Variants in TIAM1 observed in about 807,000 individuals in gnomAD.
TIAM1 encodes TIAM Rac1 associated GEF 1.
A neutral mutation model predicts 163.5 loss-of-function variants in TIAM1; 65 were observed. The observed-to-expected ratio is 0.40, with a 90% CI of 0.33 to 0.49. The LOEUF is 0.49. TIAM1 is among the 20% of genes least tolerant of loss of function. TIAM1 has a pLI of 0.77. For synonymous variants in TIAM1, 833 were observed against 810.1 expected (o/e 1.03, Z -0.48); for missense variants, 1,789 against 2,044.7 (o/e 0.87, Z 2.41).
At chr21:31,189,044 CTTTTTT>C (rs58786753) in intron 13 of TIAM1, among the ~76,000 whole-genome samples, 1 of 70,086 alleles carries the variant, frequency 1.4e-5, no homozygotes, top group Non-Finnish European at 2.5e-5. Flanking sequence ...TCCATTCCCT[CTTTTTT>C]TTTTTTTTTT....
chr21:31,179,165 T>C (rs1342506650), intron 15 of TIAM1, among the ~76,000 whole-genome samples: 3 of 150,702 alleles, frequency 2.0e-5, no homozygotes, highest in Non-Finnish European at 1.5e-5. Context: ...GGCGGGCAGA[T>C]CACCCGATTT....
chr21:31,127,270 T>C (rs747826572), intron 25 of TIAM1, 118 bp from the exon 26 acceptor site: 13 of 853,536 alleles, frequency 1.5e-5, no homozygotes, highest in Admixed American at 4.6e-5. Flanking sequence ...CTGTATAAGA[T>C]CAAAGATATT....
At chr21:31,136,730 T>C (rs1410200769) in intron 22 of TIAM1, among the ~76,000 whole-genome samples, 1 of 152,226 alleles carries the variant, frequency 6.6e-6, no homozygotes, top group East Asian at 1.9e-4. Context: ...ATGTTTTGTG[T>C]TCAGAGACAG....
chr21:31,236,058 G>A (rs2088735836), intron 6 of TIAM1, among the ~76,000 whole-genome samples: 1 of 152,214 alleles, frequency 6.6e-6, no homozygotes, highest in Non-Finnish European at 1.5e-5. Flanking sequence ...GGAGGTTTCA[G>A]GAGGTTTCTC....
chr21:31,424,975 C>A (rs1018642524), intron 2 of TIAM1, among the ~76,000 whole-genome samples: 2 of 151,676 alleles, frequency 1.3e-5, no homozygotes, highest in Non-Finnish European at 2.9e-5. Flanking sequence ...ATCGCTTGAA[C>A]TGGGGAGGCA....
At chr21:31,456,160 T>C (rs987084120) in intron 2 of TIAM1, among the ~76,000 whole-genome samples, 4 of 152,368 alleles carry the variant, frequency 2.6e-5, no homozygotes, top group South Asian at 2.1e-4. Flanking sequence ...TTTTGCATTA[T>C]ATTCTTATCT....
chr21:31,511,929 C>T (rs1299056828), intron 1 of TIAM1, among the ~76,000 whole-genome samples: 3 of 152,114 alleles, frequency 2.0e-5, no homozygotes, highest in Admixed American at 6.5e-5. Context: ...ACAAGAGAGA[C>T]ACCATCTCAG....
chr21:31,269,319 C>T (rs1441302051), intron 3 of TIAM1, among the ~76,000 whole-genome samples: 1 of 152,150 alleles, frequency 6.6e-6, no homozygotes, highest in African/African-American at 2.4e-5. Flanking sequence ...AGGAAAGAAG[C>T]CACTTTTATC....
At chr21:31,313,418 G>A (rs2075001684) in intron 2 of TIAM1, among the ~76,000 whole-genome samples, 1 of 152,054 alleles carries the variant, frequency 6.6e-6, no homozygotes, top group Non-Finnish European at 1.5e-5. Flanking sequence ...AGTCTTCTGG[G>A]AGGCTCCCAT....
At chr21:31,442,089 A>ATATATATATATATATATAT (rs1555982237) in intron 2 of TIAM1, among the ~76,000 whole-genome samples, 57 of 123,836 alleles carry the variant, frequency 4.6e-4, no homozygotes, top group East Asian at 7.5e-4. Flanking sequence ...ATATATATAG[A>ATATATATATATATATATAT]ACAATAAGGG....
rs2086807564 is a variant in TIAM1 at position 31,210,742 on chromosome 21, GGAAGGGAGAAA to G, written c.2218-538_2218-528del. On this transcript the variant is annotated intron_variant, in intron 10 of 27. Transcript: ENST00000541036. ...GAAAGAAAGAAAGAGAAAGAAGGAA[GGAAGGGAGAAA>G]GAAAGAAAGAAAGAAAGAAAGAAAG... Among the ~76,000 whole-genome samples, 3 of 91,772 alleles carry G rather than the reference GGAAGGGAGAAA, an allele frequency of 3.3e-5. 1 individual carries two copies. Among genetic ancestry groups the G allele is most frequent in the African/African-American group, 2.1e-4 (3 of 14,046 alleles). 60.2% of individuals were successfully genotyped at this position (91,772 alleles called of 152,430 possible).
Position 31,463,000 on chromosome 21 carries a change from C to T in TIAM1, c.-369+983G>A, listed in dbSNP as rs2147353490. ...TCAGGTGATCCACCCACCTCGGCCT[C>T]CCAAAGTGCTGGGATTACAGGGGCA... On this transcript the variant is annotated intron_variant, in intron 2 of 28. Coordinates refer to the TIAM1 transcript ENST00000286827. Among the ~76,000 whole-genome samples the T allele has an allele frequency of 1.3e-5, 2 of 152,292 alleles. 1 individual carries two copies. The highest frequency in any genetic ancestry group is 4.1e-4 in the South Asian group (2 of 4,828).
At position 31,183,533 on chromosome 21, in the gene TIAM1, G is replaced by C. The variant is rs80070282; in HGVS notation, c.2663-888C>G. Among the ~76,000 whole-genome samples, 22 of 152,268 alleles carry C rather than the reference G, an allele frequency of 1.4e-4. No individual in the cohort carries two copies. In the East Asian group the frequency reaches 3.9e-3, roughly 27 times the overall value. ...CAACTTGAAAAAGGGAGTGAGCGAAGGGCAGGCAAAGATAAATTGCAGGAA... is the reference window on the plus strand; with the variant it reads ...CAACTTGAAAAAGGGAGTGAGCGAACGGCAGGCAAAGATAAATTGCAGGAA... On this transcript the variant is annotated intron_variant, in intron 14 of 27. Transcript: ENST00000541036.
At chr21:31,211,414 G>A (rs540100260) in intron 10 of TIAM1, among the ~76,000 whole-genome samples, 8 of 152,238 alleles carry the variant, frequency 5.3e-5, no homozygotes, top group Non-Finnish European at 1.0e-4. Flanking sequence ...TAAGTAATAG[G>A]CCTTCATTAT....
intron 2 of TIAM1, among the ~76,000 whole-genome samples, chr21:31,321,378 G>A (rs1569216517): frequency 6.6e-6 from 1 of 151,714 alleles, no homozygotes; most frequent in Non-Finnish European, 1.5e-5. Context: ...TTGAGACGGA[G>A]TTTCGCTCTT....
chr21:31,298,799 TGA>T (rs72318608), intron 2 of TIAM1, among the ~76,000 whole-genome samples: 29,729 of 129,660 alleles, frequency 0.23, 3,403 homozygotes, highest in Middle Eastern at 0.44. Flanking sequence ...AAAAAAACAA[TGA>T]GAGAGAGAGA....
At chr21:31,233,385 T>C (rs780075081) in intron 6 of TIAM1, among the ~76,000 whole-genome samples, 30 of 152,208 alleles carry the variant, frequency 2.0e-4, no homozygotes, top group Admixed American at 3.9e-4. Flanking sequence ...ACATAAGACT[T>C]ATTTAAGCTA....
chr21:31,134,176 A>G (rs1222305111), intron 23 of TIAM1, among the ~76,000 whole-genome samples: 1 of 152,168 alleles, frequency 6.6e-6, no homozygotes, highest in Non-Finnish European at 1.5e-5. Flanking sequence ...TTCTAACTAC[A>G]GTGAATCTGT....
chr21:31,471,825 C>T (rs572305408), intron 1 of TIAM1, among the ~76,000 whole-genome samples: 4 of 151,750 alleles, frequency 2.6e-5, no homozygotes, highest in Admixed American at 2.0e-4. Context: ...GCTGAGATTG[C>T]GCCATTGCAT....
Sources: gnomAD v4.1 joint callset for allele counts (sites outside exome capture counted in the v4.1 genomes callset) on GRCh38, gnomAD v4.1.1 for gene constraint, MANE v1.5 for transcripts, NCBI Gene and HGNC (gene_info 2026-07-23, HGNC 2026-07-21) for gene names.